Variants in NUSAP1 observed in about 807,000 individuals in gnomAD.
NUSAP1 encodes the protein nucleolar and spindle-associated protein 1.
NUSAP1 carries 32 observed loss-of-function variants against 52.8 expected under a neutral mutation model. The observed-to-expected ratio is 0.61, with a 90% CI of 0.46 to 0.81. The LOEUF is 0.81. NUSAP1 is among the 40% of genes least tolerant of loss of function. The pLI, the probability that NUSAP1 is intolerant of heterozygous loss-of-function variation, is 0.00. For missense variants in NUSAP1, 499 were observed against 522.3 expected, an observed-to-expected ratio of 0.96 and a Z score of 0.43; for synonymous variants, 195 against 183.1, an observed-to-expected ratio of 1.06 and a Z score of -0.52.
At chr15:41,372,003 G>A (rs1259220730) in intron 8 of NUSAP1, among the ~76,000 whole-genome samples, 2 of 152,142 alleles carry the variant, frequency 1.3e-5, no homozygotes, top group East Asian at 1.9e-4. Flanking sequence ...CCTGACCTCA[G>A]GTGATCCGCC....
chr15:41,351,281 G>A (rs952151321), intron 4 of NUSAP1, 152 bp downstream of exon 4: 2 of 314,908 alleles, frequency 6.4e-6, no homozygotes, highest in Non-Finnish European at 9.2e-6. Context: ...AGTTCTAGAG[G>A]CTGGAAGTCC....
chr15:41,356,145 G>C lies in NUSAP1; in HGVS notation c.550+5G>C. The C allele has an allele frequency of 6.5e-7, 1 of 1,539,736 alleles. No individual in the cohort carries two copies. The highest frequency in any genetic ancestry group is 8.9e-7 in the Non-Finnish European group (1 of 1,120,932). On this transcript the variant is annotated splice_donor_5th_base_variant and intron_variant, in intron 5 of 10. Transcript: ENST00000559596. ...GAACTGCAATCACTACTCCAAGTAA[G>C]TTTTGTAGACAAAGCCATAATAAGT...
intron 6 of NUSAP1, among the ~76,000 whole-genome samples, chr15:41,361,913 G>C (rs999038552): frequency 2.0e-5 from 3 of 152,066 alleles, no homozygotes; most frequent in African/African-American, 7.2e-5. Context: ...TGGCACATTT[G>C]GGGCTTGGTC....
At chr15:41,344,409 C>T (rs552658092) in intron 2 of NUSAP1, among the ~76,000 whole-genome samples, 2 of 151,766 alleles carry the variant, frequency 1.3e-5, no homozygotes, top group East Asian at 3.9e-4. Context: ...GAGGCTGAGG[C>T]GGGTGGATTA....
intron 6 of NUSAP1, among the ~76,000 whole-genome samples, chr15:41,361,891 T>A (rs527922274): frequency 6.6e-6 from 1 of 152,258 alleles, no homozygotes; most frequent in Non-Finnish European, 1.5e-5. Flanking sequence ...ATACCTGAGA[T>A]GAAGTTGCTC....
chr15:41,371,746 T>G, intron 8 of NUSAP1, 62 bp downstream of exon 8: 1 of 1,513,426 alleles, frequency 6.6e-7, no homozygotes, highest in Non-Finnish European at 8.8e-7. Flanking sequence ...CTTCCCAAAA[T>G]GATTAGGTAT....
intron 6 of NUSAP1, among the ~76,000 whole-genome samples, chr15:41,362,519 G>A (rs1192330695): frequency 6.6e-6 from 1 of 150,536 alleles, no homozygotes; most frequent in Non-Finnish European, 1.5e-5. Flanking sequence ...CCTCTTCCCA[G>A]GTTCATGCCA....
chr15:41,338,515 C>G (rs1007190854), intron 1 of NUSAP1, among the ~76,000 whole-genome samples: 1 of 152,144 alleles, frequency 6.6e-6, no homozygotes, highest in Non-Finnish European at 1.5e-5. Context: ...CCATCTCCAG[C>G]GCTGCAAACC....
chr15:41,337,920 TTTTC>T (rs1328746453), intron 1 of NUSAP1, among the ~76,000 whole-genome samples: 1 of 142,862 alleles, frequency 7.0e-6, no homozygotes, highest in Non-Finnish European at 1.5e-5. Flanking sequence ...TTTTTTTTTC[TTTTC>T]TTTTTTCTTT....
chr15:41,353,586 TTAG>T (rs1453452789), intron 4 of NUSAP1, among the ~76,000 whole-genome samples: 1 of 152,186 alleles, frequency 6.6e-6, no homozygotes, highest in Non-Finnish European at 1.5e-5. Context: ...GATGAGAACT[TTAG>T]AAATGGTATT....
Position 41,342,414 on chromosome 15 carries a change from G to C in NUSAP1, c.122G>C (p.Gly41Ala). The C allele has an allele frequency of 6.3e-7, 1 of 1,595,678 alleles. No individual in the cohort carries two copies. Among genetic ancestry groups the C allele is most frequent in the Non-Finnish European group, 8.5e-7 (1 of 1,170,646 alleles). Residue 41 changes from glycine (G) to alanine (A), a missense_variant, in exon 2 of 11, where the codon GGC (glycine) becomes GCC (alanine). By Grantham distance (60) the Gly-to-Ala change is moderately conservative (BLOSUM62 0). Coordinates refer to ENST00000559596, the MANE Select transcript of NUSAP1 (RefSeq NM_016359.5). ...ACCAAGTTGTTAAAAGCCTTGAAAG[G>C]CTACATTAAACATGAGGCAAGAAAA... The part of the protein sequence containing the change: ...RATKLLKALK[G>A]YIKHEARKGN...
intron 8 of NUSAP1, among the ~76,000 whole-genome samples, chr15:41,372,109 AG>A (rs1681981919): frequency 6.6e-6 from 1 of 152,096 alleles, no homozygotes; most frequent in Admixed American, 6.6e-5. Flanking sequence ...TATAATCAAA[AG>A]CAAAAATTTT....
intron 8 of NUSAP1, among the ~76,000 whole-genome samples, chr15:41,373,622 G>GT (rs940896763): frequency 6.6e-6 from 1 of 151,328 alleles, no homozygotes; most frequent in African/African-American, 2.4e-5. Flanking sequence ...GCTAATTTTT[G>GT]TATTTTTGGT....
chr15:41,348,670 G>C (rs574937706), intron 2 of NUSAP1, among the ~76,000 whole-genome samples: 1 of 151,974 alleles, frequency 6.6e-6, no homozygotes, highest in Non-Finnish European at 1.5e-5. Flanking sequence ...ACGGAGTTTC[G>C]TTCTTGTTGC....
rs565692142 is a variant in NUSAP1 at position 41,357,664 on chromosome 15, G to A, written c.551-485G>A. On this transcript the variant is annotated intron_variant, in intron 5 of 10. Transcript: ENST00000559596. ...TCTCCATGTTGGTCAGGCTGGTCTC[G>A]AACTCCTGACCTCAGGTGATCTGAC... is the stretch of plus-strand genomic sequence containing the variant. Among the ~76,000 whole-genome samples, 4 of 152,024 alleles carry A rather than the reference G, an allele frequency of 2.6e-5. No individual in the cohort carries two copies. The South Asian group carries it at 6.2e-4, about 24-fold the overall frequency.
chr15:41,335,144 A>G (rs1461870956), intron 1 of NUSAP1, among the ~76,000 whole-genome samples: 1 of 151,518 alleles, frequency 6.6e-6, no homozygotes, highest in Non-Finnish European at 1.5e-5. Flanking sequence ...AAAAAAATTA[A>G]TAAATTGCTC....
At chr15:41,370,153 G>T (rs549772059) in intron 7 of NUSAP1, among the ~76,000 whole-genome samples, 18 of 147,990 alleles carry the variant, frequency 1.2e-4, no homozygotes, top group African/African-American at 4.5e-4. Flanking sequence ...AGGCCGAGAC[G>T]GGCGGATCAT....
At chr15:41,371,913 G>A (rs1021420703) in intron 8 of NUSAP1, among the ~76,000 whole-genome samples, 2 of 152,018 alleles carry the variant, frequency 1.3e-5, no homozygotes, top group Non-Finnish European at 2.9e-5. Flanking sequence ...TGGGACTACA[G>A]ACACATGCCA....
At chr15:41,334,101 T>G (rs1203019341) in intron 1 of NUSAP1, among the ~76,000 whole-genome samples, 1 of 122,022 alleles carries the variant, frequency 8.2e-6, no homozygotes, top group Non-Finnish European at 1.7e-5. Context: ...TCGTCACAAT[T>G]TTTTTTTTAT....
Sources: gnomAD v4.1 joint callset for allele counts (sites outside exome capture counted in the v4.1 genomes callset) on GRCh38, gnomAD v4.1.1 for gene constraint, MANE v1.5 for transcripts, NCBI Gene and HGNC (gene_info 2026-07-23, HGNC 2026-07-21) for gene names.